The following KCTD16 variants were observed in gnomAD, a reference collection of about 807,000 sequenced individuals.
KCTD16 encodes the protein BTB/POZ domain-containing protein KCTD16.
In KCTD16, 13 loss-of-function variants were observed where a neutral mutation model predicts 33.2. The ratio of observed to expected loss-of-function variants is 0.39; its 90% CI spans 0.25 to 0.62. KCTD16 has a LOEUF of 0.62. Among genes scored for constraint, KCTD16 ranks in the 20% least tolerant of loss-of-function variants. The probability of loss-of-function intolerance (pLI) is 0.50; values close to 1 mark genes in which losing one functional copy is unlikely to be tolerated. For missense variants in KCTD16, 441 were observed against 525.1 expected, an observed-to-expected ratio of 0.84 and a Z score of 1.57; for synonymous variants, 197 against 195.3, an observed-to-expected ratio of 1.01 and a Z score of -0.07.
intron 3 of KCTD16, among the ~76,000 whole-genome samples, chr5:144,424,030 T>G (rs1308746141): frequency 6.6e-6 from 1 of 152,172 alleles, no homozygotes; most frequent in Non-Finnish European, 1.5e-5. Flanking sequence ...CATCCATGCT[T>G]TATACTGAAG....
At chr5:144,277,685 A>G (rs759200365) in intron 3 of KCTD16, among the ~76,000 whole-genome samples, 9 of 152,200 alleles carry the variant, frequency 5.9e-5, no homozygotes, top group Non-Finnish European at 1.0e-4. Flanking sequence ...CCTTGTTAGT[A>G]CTTGCTGTTG....
chr5:144,306,874 T>A (rs1751615841), intron 3 of KCTD16, among the ~76,000 whole-genome samples: 1 of 152,222 alleles, frequency 6.6e-6, no homozygotes, highest in Non-Finnish European at 1.5e-5. Flanking sequence ...TGCTGTACTG[T>A]GGGACAACAC....
chr5:144,303,797 T>A (rs1751510905), intron 3 of KCTD16, among the ~76,000 whole-genome samples: 1 of 152,164 alleles, frequency 6.6e-6, no homozygotes, highest in African/African-American at 2.4e-5. Context: ...GCCTTCACCT[T>A]CTGTTTCATA....
intron 3 of KCTD16, among the ~76,000 whole-genome samples, chr5:144,320,095 A>G (rs1384189952): frequency 6.6e-6 from 1 of 152,118 alleles, no homozygotes; most frequent in Non-Finnish European, 1.5e-5. Context: ...AATATTGATT[A>G]AGTCTCACAA....
Position 144,308,410 on chromosome 5 carries a change from A to G in KCTD16, c.832+100864A>G, listed in dbSNP as rs548369398. ...TCGTTGGCTCAGTGGGCAGATTCTA[A>G]TTTGAACTGGGAAAAATTTAGCCCG... On this transcript the variant is annotated intron_variant, in intron 3 of 3. Coordinates refer to ENST00000512467, the MANE Select transcript of KCTD16 (RefSeq NM_020768.4). Among the ~76,000 whole-genome samples the G allele has an allele frequency of 4.6e-5, 7 of 152,246 alleles. No individual in the cohort carries two copies. In the South Asian group the frequency reaches 1.2e-3, roughly 27 times the overall value.
chr5:144,243,807 G>A (rs1490487855), intron 3 of KCTD16, among the ~76,000 whole-genome samples: 2 of 151,982 alleles, frequency 1.3e-5, no homozygotes, highest in African/African-American at 4.8e-5. Flanking sequence ...GCAGTGGCAC[G>A]ATGTTGGCTC....
intron 3 of KCTD16, among the ~76,000 whole-genome samples, chr5:144,365,438 A>AAG (rs142036825): frequency 0.019 from 2,868 of 152,258 alleles, 79 homozygotes; most frequent in African/African-American, 0.065. Flanking sequence ...GAGAGAGAGA[A>AAG]AGAGAGAGAG....
At chr5:144,249,821 T>G (rs774197989) in intron 3 of KCTD16, among the ~76,000 whole-genome samples, 2 of 152,198 alleles carry the variant, frequency 1.3e-5, no homozygotes, top group Non-Finnish European at 2.9e-5. Context: ...GAGCCTGACT[T>G]TGAACCTATG....
intron 3 of KCTD16, among the ~76,000 whole-genome samples, chr5:144,338,207 T>C (rs1009790359): frequency 6.6e-6 from 1 of 152,186 alleles, no homozygotes; most frequent in Admixed American, 6.6e-5. Context: ...TGATAAATTA[T>C]TGCGTCCTGG....
At chr5:144,264,083 T>A (rs1434942303) in intron 3 of KCTD16, among the ~76,000 whole-genome samples, 1 of 152,226 alleles carries the variant, frequency 6.6e-6, no homozygotes, top group Non-Finnish European at 1.5e-5. Flanking sequence ...TCAAAAAACA[T>A]TTAGACTGTA....
intron 3 of KCTD16, among the ~76,000 whole-genome samples, chr5:144,226,527 T>G (rs919812463): frequency 2.0e-5 from 3 of 152,062 alleles, no homozygotes; most frequent in Non-Finnish European, 4.4e-5. Flanking sequence ...TTGTTCACCG[T>G]AAAATTGAAC....
At chr5:144,412,863 G>A (rs558292660) in intron 3 of KCTD16, among the ~76,000 whole-genome samples, 1 of 152,272 alleles carries the variant, frequency 6.6e-6, no homozygotes, top group Admixed American at 6.5e-5. Flanking sequence ...TCCAGCCTGG[G>A]CCACAGAGTG....
At chr5:144,176,889 T>G (rs553168908) in intron 2 of KCTD16, among the ~76,000 whole-genome samples, 1 of 152,336 alleles carries the variant, frequency 6.6e-6, no homozygotes, top group Non-Finnish European at 1.5e-5. Context: ...GTTATTTGTT[T>G]TTCTTGTCGA....
At chr5:144,448,535 T>C (rs1753871547) in intron 3 of KCTD16, among the ~76,000 whole-genome samples, 1 of 152,096 alleles carries the variant, frequency 6.6e-6, no homozygotes, top group Non-Finnish European at 1.5e-5. Context: ...ACACTGAGGC[T>C]GAAGTTGGAA....
intron 2 of KCTD16, chr5:144,205,242 G>T (rs1456308290): frequency 1.0e-5 from 3 of 288,124 alleles, no homozygotes; most frequent in Non-Finnish European, 1.9e-5. Flanking sequence ...CACCGCCGGA[G>T]CGCGGCGTCC....
chr5:144,425,768 G>A (rs1561603844), intron 3 of KCTD16, among the ~76,000 whole-genome samples: 2 of 152,064 alleles, frequency 1.3e-5, no homozygotes, highest in African/African-American at 4.8e-5. Context: ...GCCCTGGGCA[G>A]TGAGCTTACG....
intron 2 of KCTD16, among the ~76,000 whole-genome samples, chr5:144,178,295 G>A (rs1328251074): frequency 6.6e-6 from 1 of 151,718 alleles, no homozygotes; most frequent in African/African-American, 2.4e-5. Context: ...TATAAAAGTA[G>A]GCATTCTGAT....
At chr5:144,298,689 A>G (rs564855923) in intron 3 of KCTD16, among the ~76,000 whole-genome samples, 61 of 152,212 alleles carry the variant, frequency 4.0e-4, no homozygotes, top group African/African-American at 1.3e-3. Context: ...AAACATGAGA[A>G]CATTTAACAA....
intron 2 of KCTD16, among the ~76,000 whole-genome samples, chr5:144,203,636 C>T (rs1042246919): frequency 2.0e-5 from 3 of 152,198 alleles, no homozygotes; most frequent in Non-Finnish European, 1.5e-5. Flanking sequence ...CATACTGTCC[C>T]TGCAGTGTTT....
Sources: allele counts gnomAD v4.1 joint callset (sites outside exome capture counted in the v4.1 genomes callset), GRCh38; gene constraint gnomAD v4.1.1; transcripts MANE v1.5; gene names NCBI Gene and HGNC (gene_info 2026-07-23, HGNC 2026-07-21).